Variants in MEGF6 observed in about 807,000 individuals in gnomAD.
MEGF6 encodes multiple epidermal growth factor-like domains protein 6.
A neutral mutation model predicts 207.1 loss-of-function variants in MEGF6; 184 were observed. The observed-to-expected ratio is 0.89, with a 90% CI of 0.79 to 1.00. The LOEUF (loss-of-function observed/expected upper bound fraction) is 1.00. Among genes scored for constraint, MEGF6 ranks in the 50% least tolerant of loss-of-function variants. MEGF6 has a pLI of 0.00. For missense variants in MEGF6, 2,282 were observed against 2,202.9 expected (o/e 1.04, Z -0.72); for synonymous variants, 1,038 against 910.0 (o/e 1.14, Z -2.53).
rs1570223774 is a variant in MEGF6 at position 3,594,825 on chromosome 1, C to A, written c.376+513G>T. 6.6e-6 allele frequency among the ~76,000 whole-genome samples: 1 copy of A among 152,206 alleles called. No homozygotes were observed. The highest frequency in any genetic ancestry group is 1.9e-4 in the East Asian group (1 of 5,188). On this transcript the variant is annotated intron_variant, in intron 3 of 36. Transcript: ENST00000356575. This position sits in a 1 kb window ranked among gnomAD's most constrained non-coding sequence, Gnocchi z 4.2. ...CGGGTCAGGTCGTATGCAGCACGGG[C>A]CTCTCCAATTGTGCTGGCTACATAA...
chr1:3,595,221 G>T, intron 3 of MEGF6, 117 bp downstream of exon 3: 1 of 679,426 alleles, frequency 1.5e-6, no homozygotes, highest in Non-Finnish European at 2.5e-6. Flanking sequence ...TGTTCCCTGA[G>T]TCTCTCGTGT....
chr1:3,618,755 G>A, the MEGF6 span, among the ~76,000 whole-genome samples: 1 of 152,086 alleles, frequency 6.6e-6, no homozygotes, highest in Non-Finnish European at 1.5e-5. The surrounding 1 kb of genome is among the most constrained non-coding windows in gnomAD (Gnocchi z 4.7). Context: ...CCTGGGACCC[G>A]CCAAGCCCCA....
chr1:3,498,378 A>T lies in MEGF6; in HGVS notation c.3345T>A (p.Cys1115Ter). 6.2e-7 allele frequency: 1 copy of T among 1,601,738 alleles called. No individual in the cohort carries two copies. The highest frequency in any genetic ancestry group is 1.7e-5 in the Admixed American group (1 of 59,616). Reference sequence around the variant, plus strand: ...CTGCCCCGCCCCACTCACGGCTCTGACACTTGTCCCCAGTCCAGCCGGCTG... The same window carrying T: ...CTGCCCCGCCCCACTCACGGCTCTGTCACTTGTCCCCAGTCCAGCCGGCTG... Reference protein sequence around the residue: ...LCPAGWTGDKCQSPCLRGWFG... With the variant: ...LCPAGWTGDK Residue 1115 changes from cysteine to a stop codon, truncating the protein, a stop_gained, in exon 26 of 37, where the codon TGT (cysteine) becomes TGA (stop). Coordinates refer to ENST00000356575, the MANE Select transcript of MEGF6 (RefSeq NM_001409.4). LOFTEE classifies it high-confidence loss of function.
chr1:3,551,360 G>T (rs72633401), intron 4 of MEGF6, among the ~76,000 whole-genome samples: 77 of 152,300 alleles, frequency 5.1e-4, no homozygotes, highest in Non-Finnish European at 8.8e-4. Flanking sequence ...GGGCCAAAGG[G>T]GTGGGATGTG....
chr1:3,549,160 C>T (rs1247581843), intron 4 of MEGF6, among the ~76,000 whole-genome samples: 2 of 152,188 alleles, frequency 1.3e-5, no homozygotes, highest in African/African-American at 4.8e-5. Context: ...TGGGGACTGG[C>T]CCCCCTAGTC....
intron 3 of MEGF6, among the ~76,000 whole-genome samples, chr1:3,583,071 G>T (rs1643837417): frequency 6.6e-6 from 1 of 152,212 alleles, no homozygotes; most frequent in Admixed American, 6.5e-5. Context: ...ACCTGTGGAT[G>T]CTCCTTGGGG....
intron 30 of MEGF6, among the ~76,000 whole-genome samples, 167 bp from the exon 31 acceptor site, chr1:3,494,908 A>G (rs1340483980): frequency 6.6e-6 from 1 of 152,192 alleles, no homozygotes; most frequent in East Asian, 1.9e-4. Context: ...CACCAGCCGC[A>G]TCCTCTCATT....
chr1:3,553,979 C>T (rs1642963398), intron 4 of MEGF6, among the ~76,000 whole-genome samples: 1 of 152,214 alleles, frequency 6.6e-6, no homozygotes, highest in African/African-American at 2.4e-5. Context: ...GCCTGGAACC[C>T]AGCTGCTCCC....
At chr1:3,561,017 G>A (rs1643183827) in intron 4 of MEGF6, among the ~76,000 whole-genome samples, 1 of 152,156 alleles carries the variant, frequency 6.6e-6, no homozygotes, top group Admixed American at 6.5e-5. Context: ...GGAGTCTCTG[G>A]GTCACATGAA....
At chr1:3,606,907 T>C (rs1644257442) in intron 1 of MEGF6, among the ~76,000 whole-genome samples, 1 of 152,062 alleles carries the variant, frequency 6.6e-6, no homozygotes, top group Non-Finnish European at 1.5e-5. Flanking sequence ...CATCTCAGGA[T>C]GGAGATGACA....
At position 3,489,205 on chromosome 1, in the gene MEGF6, C is replaced by A. The variant is rs1464239983; in HGVS notation, c.*1323G>T. ...CTCCCCACAGCGGTCCATTCATCAG[C>A]TTCCTCTGTGACAGCTCCCTTGCTG... On this transcript the variant is annotated 3_prime_UTR_variant, in exon 37 of 37. Coordinates refer to ENST00000356575, the MANE Select transcript of MEGF6 (RefSeq NM_001409.4). 6.6e-6 allele frequency among the ~76,000 whole-genome samples: 1 copy of A among 152,268 alleles called. No homozygotes were observed.
chr1:3,607,426 C>A (rs1644265689), intron 1 of MEGF6, among the ~76,000 whole-genome samples: 1 of 152,054 alleles, frequency 6.6e-6, no homozygotes, highest in Non-Finnish European at 1.5e-5. Context: ...GCAGTGACCC[C>A]CAACAAAATT....
intron 4 of MEGF6, among the ~76,000 whole-genome samples, chr1:3,557,798 G>A (rs955091264): frequency 3.9e-5 from 6 of 152,240 alleles, no homozygotes; most frequent in African/African-American, 7.2e-5. Context: ...CAGAAGAAGC[G>A]GCCCGTGGGC....
intron 7 of MEGF6, among the ~76,000 whole-genome samples, chr1:3,513,577 CTTTTTTTT>C (rs757815891): frequency 8.8e-5 from 5 of 56,566 alleles, no homozygotes; most frequent in East Asian, 6.3e-4. Flanking sequence ...CACACCTGGG[CTTTTTTTT>C]TTTTTTTTTT....
At chr1:3,500,307 G>A (rs1313919761) in intron 21 of MEGF6, among the ~76,000 whole-genome samples, 1 of 152,234 alleles carries the variant, frequency 6.6e-6, no homozygotes, top group Non-Finnish European at 1.5e-5. Context: ...GACAGACCCT[G>A]CCCCCTCCTG....
chr1:3,544,954 G>A (rs999046320), intron 4 of MEGF6, among the ~76,000 whole-genome samples: 23 of 152,286 alleles, frequency 1.5e-4, no homozygotes, highest in African/African-American at 5.5e-4. Context: ...ACAGTGACCC[G>A]CCCTTTGCTC....
At chr1:3,500,423 A>G (rs909527460) in intron 21 of MEGF6, among the ~76,000 whole-genome samples, 1 of 152,228 alleles carries the variant, frequency 6.6e-6, no homozygotes, top group Admixed American at 6.5e-5. Flanking sequence ...AAGGCAGAGG[A>G]AGCCAGGCCA....
intron 4 of MEGF6, among the ~76,000 whole-genome samples, chr1:3,548,148 G>A (rs1436070721): frequency 6.6e-6 from 1 of 152,208 alleles, no homozygotes; most frequent in Non-Finnish European, 1.5e-5. Flanking sequence ...GGACGCAGAT[G>A]GCCAGACGCC....
chr1:3,536,106 T>A (rs1642320211), intron 4 of MEGF6, among the ~76,000 whole-genome samples: 2 of 152,028 alleles, frequency 1.3e-5, no homozygotes. Context: ...TCCCTGGCAG[T>A]CTAGACACTC....
Sources: gnomAD v4.1 joint callset for allele counts (sites outside exome capture counted in the v4.1 genomes callset) on GRCh38, gnomAD v4.1.1 for gene constraint, Gnocchi (gnomAD v3.1) non-coding constraint, MANE v1.5 for transcripts, NCBI Gene and HGNC (gene_info 2026-07-23, HGNC 2026-07-21) for gene names.